Variants in DOCK8 observed in about 807,000 individuals in gnomAD.
The protein encoded by DOCK8 is dedicator of cytokinesis 8.
A neutral mutation model predicts 245.6 loss-of-function variants in DOCK8; 141 were observed. That is an observed-to-expected ratio of 0.57 (90% CI 0.50 to 0.66). DOCK8 has a LOEUF of 0.66. DOCK8 is among the 30% of genes least tolerant of loss of function. DOCK8 has a pLI of 0.00. For missense variants in DOCK8, 2,965 were observed against 2,603.4 expected, an observed-to-expected ratio of 1.14 and a Z score of -3.02; for synonymous variants, 1,168 against 970.2, an observed-to-expected ratio of 1.20 and a Z score of -3.79.
intron 3 of DOCK8, 58 bp downstream of exon 3, chr9:286,694 G>A (rs1322492766): frequency 2.6e-6 from 4 of 1,540,966 alleles, no homozygotes; most frequent in Non-Finnish European, 3.6e-6. Flanking sequence ...TTTTCAATAA[G>A]TGGGTAGGGG....
At chr9:389,435 G>C (rs2054089241) in intron 23 of DOCK8, among the ~76,000 whole-genome samples, 1 of 152,138 alleles carries the variant, frequency 6.6e-6, no homozygotes, top group Non-Finnish European at 1.5e-5. Flanking sequence ...AGTTAAGGCT[G>C]ATACTACTAT....
chr9:412,065 A>G (rs79189057), intron 28 of DOCK8, among the ~76,000 whole-genome samples: 20,255 of 152,080 alleles, frequency 0.13, 1,413 homozygotes, highest in Admixed American at 0.17. Context: ...TCTATTCAAC[A>G]TATTAGGAGT....
chr9:347,882 C>T (rs2051981435), intron 14 of DOCK8, among the ~76,000 whole-genome samples: 1 of 152,134 alleles, frequency 6.6e-6, no homozygotes, highest in South Asian at 2.1e-4. Flanking sequence ...AATATTCAGC[C>T]ACTAGAGGAC....
intron 12 of DOCK8, among the ~76,000 whole-genome samples, chr9:338,334 G>A (rs1744809827): frequency 1.3e-5 from 2 of 152,148 alleles, no homozygotes; most frequent in South Asian, 2.1e-4. Flanking sequence ...TGCTGAGGGC[G>A]CCTGTGCACC....
intron 14 of DOCK8, among the ~76,000 whole-genome samples, chr9:350,046 G>C (rs2052081241): frequency 1.3e-5 from 2 of 152,168 alleles, no homozygotes; most frequent in African/African-American, 4.8e-5. Flanking sequence ...ACCTTTCCAG[G>C]AATCTCCTTG....
intron 14 of DOCK8, among the ~76,000 whole-genome samples, chr9:341,626 TACAC>T (rs1037891059): frequency 2.0e-5 from 3 of 152,180 alleles, no homozygotes; most frequent in Admixed American, 6.5e-5. Flanking sequence ...TACACACACT[TACAC>T]ACACATCTGT....
chr9:214,088 A>G (rs1218953408), upstream of DOCK8: 1 of 172,252 alleles, frequency 5.8e-6, no homozygotes, highest in Non-Finnish European at 1.2e-5. Context: ...GTGCTCGAGT[A>G]TATATAGCAC....
chr9:215,102 A>G, intron 1 of DOCK8, 73 bp downstream of exon 1: 1 of 1,511,324 alleles, frequency 6.6e-7, no homozygotes, highest in East Asian at 2.7e-5. Context: ...GCTTCGCTGC[A>G]GGGGCCGAGG....
chr9:439,672 G>T lies in DOCK8; in HGVS notation c.5223+284G>T, dbSNP rs145431890. On this transcript the variant is annotated intron_variant, in intron 40 of 47. Transcript: ENST00000432829. The stretch of plus-strand genomic sequence containing the variant: ...ACAGTATTATTTCTATTTAATAGGG[G>T]TGGAACTAAGCCACAGAGAGGTGAA... Among the ~76,000 whole-genome samples, 15 of 152,348 alleles carry T rather than the reference G, an allele frequency of 9.8e-5. No individual in the cohort carries two copies. The East Asian group carries it at 2.9e-3, about 29-fold the overall frequency.
At chr9:281,104 A>G (rs1238747730) in intron 2 of DOCK8, among the ~76,000 whole-genome samples, 2 of 152,174 alleles carry the variant, frequency 1.3e-5, no homozygotes, top group East Asian at 3.9e-4. Context: ...AATGACAACA[A>G]TTAGCCAGGC....
At chr9:442,153 G>T in intron 42 of DOCK8, 144 bp downstream of exon 42, 4 of 1,170,114 alleles carry the variant, frequency 3.4e-6, no homozygotes, top group Non-Finnish European at 4.9e-6. Flanking sequence ...ATTTATAAAA[G>T]GCAAAGTAGA....
chr9:358,625 G>C (rs1403453547), intron 14 of DOCK8, among the ~76,000 whole-genome samples: 1 of 148,670 alleles, frequency 6.7e-6, no homozygotes, highest in Non-Finnish European at 1.5e-5. Context: ...GAGGTGGGCG[G>C]ATCACTTGAG....
chr9:230,788 A>G (rs1235280256), intron 1 of DOCK8, among the ~76,000 whole-genome samples: 1 of 152,042 alleles, frequency 6.6e-6, no homozygotes, highest in Non-Finnish European at 1.5e-5. Context: ...TTCATTGTAG[A>G]TTCTGGATAT....
intron 23 of DOCK8, among the ~76,000 whole-genome samples, chr9:389,573 C>T (rs1181729091): frequency 6.6e-6 from 1 of 150,674 alleles, no homozygotes; most frequent in Non-Finnish European, 1.5e-5. Context: ...GACAGTGGTC[C>T]CTAAAGTGTA....
chr9:376,869 G>A (rs981735873), intron 19 of DOCK8, 108 bp from the exon 20 acceptor site: 14 of 993,770 alleles, frequency 1.4e-5, no homozygotes, highest in Non-Finnish European at 2.0e-5. Flanking sequence ...GGTCTGAAAC[G>A]CTGGATAAGA....
chr9:405,516 A>T (rs2055373494), intron 27 of DOCK8, among the ~76,000 whole-genome samples: 1 of 152,242 alleles, frequency 6.6e-6, no homozygotes, highest in African/African-American at 2.4e-5. Context: ...GAGAAGCAGA[A>T]GAGGAAATGG....
At chr9:322,762 G>A (rs1489964847) in intron 7 of DOCK8, among the ~76,000 whole-genome samples, 1 of 152,148 alleles carries the variant, frequency 6.6e-6, no homozygotes, top group Non-Finnish European at 1.5e-5. Flanking sequence ...TATAGATTGA[G>A]CATGCCAGGC....
chr9:395,299 A>G (rs1324925142), intron 24 of DOCK8, among the ~76,000 whole-genome samples: 1 of 152,094 alleles, frequency 6.6e-6, no homozygotes, highest in African/African-American at 2.4e-5. Context: ...TTGTCTGAAA[A>G]CATGAAACAC....
At chr9:400,825 CA>C (rs2054958208) in intron 26 of DOCK8, among the ~76,000 whole-genome samples, 1 of 48,390 alleles carries the variant, frequency 2.1e-5, no homozygotes, top group Non-Finnish European at 3.5e-5. Context: ...CCACCTCCAC[CA>C]TCACCATCAC....
Sources: gnomAD v4.1 joint callset for allele counts (sites outside exome capture counted in the v4.1 genomes callset) on GRCh38, gnomAD v4.1.1 for gene constraint, MANE v1.5 for transcripts, NCBI Gene and HGNC (gene_info 2026-07-23, HGNC 2026-07-21) for gene names.